PALLD: variants seen among roughly 807,000 people sequenced by gnomAD.
PALLD encodes the protein palladin, cytoskeletal associated protein.
In PALLD, 61 loss-of-function variants were observed where a neutral mutation model predicts 123.5. That is an observed-to-expected ratio of 0.49 (90% CI 0.40 to 0.61). The LOEUF (loss-of-function observed/expected upper bound fraction) is 0.61, where lower values mean the gene tolerates loss of function less well. Among genes scored for constraint, PALLD ranks in the 20% least tolerant of loss-of-function variants. The pLI is 0.00. For missense variants in PALLD, 1,273 were observed against 1,377.0 expected (o/e 0.92, Z 1.20); for synonymous variants, 465 against 496.4 (o/e 0.94, Z 0.84).
chr4:168,743,920 T>C (rs1034436019), intron 10 of PALLD, among the ~76,000 whole-genome samples: 1 of 152,196 alleles, frequency 6.6e-6, no homozygotes, highest in Non-Finnish European at 1.5e-5. Flanking sequence ...TTCCAAATTT[T>C]AACAGATGGG....
intron 2 of PALLD, among the ~76,000 whole-genome samples, chr4:168,598,909 A>G (rs1772262952): frequency 6.6e-6 from 1 of 152,208 alleles, no homozygotes; most frequent in Non-Finnish European, 1.5e-5. Context: ...TATTTCACTG[A>G]CTTTTAATCT....
chr4:168,736,654 C>A (rs747728425), intron 10 of PALLD, among the ~76,000 whole-genome samples: 1 of 152,130 alleles, frequency 6.6e-6, no homozygotes, highest in Admixed American at 6.5e-5. Context: ...GCAGAAGGCC[C>A]TAGGTGCAAA....
chr4:168,903,640 C>A, intron 14 of PALLD, 117 bp from the exon 15 acceptor site: 1 of 837,230 alleles, frequency 1.2e-6, no homozygotes, highest in Non-Finnish European at 2.0e-6. Flanking sequence ...TTTGGTTTAA[C>A]ATTTTAACAT....
intron 10 of PALLD, among the ~76,000 whole-genome samples, chr4:168,729,446 A>C (rs1786935502): frequency 6.6e-6 from 1 of 152,080 alleles, no homozygotes; most frequent in African/African-American, 2.4e-5. Context: ...TTACAGATGT[A>C]AGCCACTGTG....
intron 2 of PALLD, among the ~76,000 whole-genome samples, chr4:168,658,285 G>GGTT (rs1491571175): frequency 7.6e-6 from 1 of 131,646 alleles, no homozygotes. Context: ...TTTTTATTTG[G>GGTT]TTTTTTTTTT....
chr4:168,822,677 C>T (rs936259595), intron 10 of PALLD, among the ~76,000 whole-genome samples: 3 of 152,138 alleles, frequency 2.0e-5, no homozygotes, highest in Non-Finnish European at 2.9e-5. Context: ...GTTTTATTTT[C>T]CCAGATGTGC....
intron 8 of PALLD, among the ~76,000 whole-genome samples, chr4:168,706,905 A>G (rs899699272): frequency 6.6e-6 from 1 of 152,220 alleles, no homozygotes; most frequent in African/African-American, 2.4e-5. Context: ...GAGTGAGATT[A>G]TTAAGGGGTA....
chr4:168,819,136 G>T (rs1297538436), intron 10 of PALLD, among the ~76,000 whole-genome samples: 1 of 152,222 alleles, frequency 6.6e-6, no homozygotes, highest in Non-Finnish European at 1.5e-5. Context: ...TGTGTAGCTA[G>T]TTAGTGATGT....
chr4:168,918,325 G>GATATATATAT (rs71588177), intron 17 of PALLD, among the ~76,000 whole-genome samples: 65 of 149,548 alleles, frequency 4.3e-4, no homozygotes, highest in South Asian at 8.4e-4. Flanking sequence ...GAAAATATGA[G>GATATATATAT]ATATATATAT....
intron 2 of PALLD, among the ~76,000 whole-genome samples, chr4:168,533,183 G>A (rs1277384209): frequency 1.3e-5 from 2 of 152,072 alleles, no homozygotes; most frequent in African/African-American, 4.8e-5. Context: ...CCTTGCTGTT[G>A]TTTTAATTTT....
chr4:168,898,758 A>T, intron 14 of PALLD, 44 bp downstream of exon 14: 1 of 1,332,412 alleles, frequency 7.5e-7, no homozygotes, highest in South Asian at 1.2e-5. Flanking sequence ...TTCTCTGAGG[A>T]AAGGTTTAGC....
At chr4:168,666,356 G>A (rs113761836) in intron 2 of PALLD, among the ~76,000 whole-genome samples, 4 of 152,288 alleles carry the variant, frequency 2.6e-5, no homozygotes, top group East Asian at 1.9e-4. Flanking sequence ...TTTAGCAGGC[G>A]TTATTTTTTC....
rs1779857005 is a variant in PALLD at position 168,668,378 on chromosome 4, G to A, written c.1087+10G>A. On this transcript the variant is annotated intron_variant, in intron 3 of 21. Transcript: ENST00000505667. ...GAGGTGTTCATTGAAGGTAAGGAGG[G>A]GTGCCTGGTAATGGGGGATAAAGGG... 3 of 1,590,732 alleles carry A rather than the reference G, an allele frequency of 1.9e-6. No homozygotes were observed. The highest frequency in any genetic ancestry group is 2.7e-5 in the African/African-American group (2 of 74,434).
intron 10 of PALLD, among the ~76,000 whole-genome samples, chr4:168,807,292 C>G (rs1271015743): frequency 6.6e-6 from 1 of 152,068 alleles, no homozygotes; most frequent in Non-Finnish European, 1.5e-5. Context: ...CACACACACA[C>G]ACACACACAG....
chr4:168,874,997 C>G (rs2151098579), intron 10 of PALLD, among the ~76,000 whole-genome samples: 1 of 152,078 alleles, frequency 6.6e-6, no homozygotes, highest in East Asian at 1.9e-4. Flanking sequence ...ACACATGACA[C>G]TCAAAGTACA....
At chr4:168,832,173 T>C in intron 10 of PALLD, 1 of 985,368 alleles carries the variant, frequency 1.0e-6, no homozygotes, top group Non-Finnish European at 1.2e-6. Context: ...AGAGCCGAGG[T>C]AGGCGCGGGG....
Position 168,732,722 on chromosome 4 carries a change from A to T in PALLD, c.1964+20799A>T, listed in dbSNP as rs1050431423. 1.4e-3 allele frequency among the ~76,000 whole-genome samples: 213 copies of T among 152,344 alleles called. 2 individuals carry two copies. Among genetic ancestry groups the T allele is most frequent in the Non-Finnish European group, 2.5e-4 (17 of 68,026 alleles). On this transcript the variant is annotated intron_variant, in intron 10 of 21. Transcript: ENST00000505667. ...TCTTATTCAAGCTGAGACTACCCAA[A>T]GACAAAAATGTTGCACTGATTTAAA...
intron 1 of PALLD, among the ~76,000 whole-genome samples, chr4:168,504,391 C>G (rs1420367503): frequency 6.6e-6 from 1 of 152,240 alleles, no homozygotes; most frequent in African/African-American, 2.4e-5. Flanking sequence ...GTCAGGAGTT[C>G]AAGACCAGCC....
chr4:168,652,432 G>A (rs1053027783), intron 2 of PALLD, among the ~76,000 whole-genome samples: 1 of 152,096 alleles, frequency 6.6e-6, no homozygotes, highest in African/African-American at 2.4e-5. Flanking sequence ...CATTGGATCT[G>A]AATTTAGCAT....
Sources: gnomAD v4.1 joint callset for allele counts (sites outside exome capture counted in the v4.1 genomes callset) on GRCh38, gnomAD v4.1.1 for gene constraint, MANE v1.5 for transcripts, NCBI Gene and HGNC (gene_info 2026-07-23, HGNC 2026-07-21) for gene names.